The following TAF2 variants were observed in gnomAD, a reference collection of about 807,000 sequenced individuals.
TAF2 encodes TATA-box binding protein associated factor 2.
Under a neutral mutation model 138.5 loss-of-function variants are expected in TAF2, and 61 were observed. That is an observed-to-expected ratio of 0.44 (90% CI 0.36 to 0.54). TAF2 has a LOEUF of 0.54. Among genes scored for constraint, TAF2 ranks in the 20% least tolerant of loss-of-function variants. TAF2 has a pLI of 0.00. For missense variants in TAF2, 1,090 were observed against 1,427.9 expected (o/e 0.76, Z 3.81); for synonymous variants, 475 against 469.9 (o/e 1.01, Z -0.14).
At chr8:119,776,877 C>T (rs942945698) in intron 18 of TAF2, among the ~76,000 whole-genome samples, 2 of 147,358 alleles carry the variant, frequency 1.4e-5, no homozygotes, top group Non-Finnish European at 3.0e-5. Context: ...CTCCCTACAT[C>T]CTTCAAAGTA....
rs137907793 is a variant in TAF2, at chr8:119,752,498, T to TC, written c.2878+3507dup. On this transcript the variant is annotated intron_variant, in intron 22 of 25. Coordinates refer to ENST00000378164, the MANE Select transcript of TAF2 (RefSeq NM_003184.4). Reference sequence around the variant, plus strand: ...AAAGTGATTCAGCTACCAAGAGCCCTCAGTTTCTGTACCTGTCTCTCAGCT... The same window carrying TC: ...AAAGTGATTCAGCTACCAAGAGCCCTCCAGTTTCTGTACCTGTCTCTCAGCT... 6.4e-3 allele frequency among the ~76,000 whole-genome samples: 981 copies of TC among 152,236 alleles called. 14 individuals are homozygous for TC. Among genetic ancestry groups the TC allele is most frequent in the African/African-American group, 0.023 (937 of 41,550 alleles).
intron 23 of TAF2, among the ~76,000 whole-genome samples, chr8:119,745,795 ATGTGTGTGTG>A (rs58444614): frequency 0.017 from 2,476 of 143,526 alleles, 64 homozygotes; most frequent in African/African-American, 0.054. Flanking sequence ...AGGCAAACGA[ATGTGTGTGTG>A]TGTGTGTGTG....
chr8:119,753,882 G>A (rs191479743), intron 22 of TAF2, among the ~76,000 whole-genome samples: 53 of 152,284 alleles, frequency 3.5e-4, no homozygotes, highest in Middle Eastern at 3.4e-3. Context: ...CAGAGTGAGT[G>A]CCACATATGA....
chr8:119,739,010 G>GTT (rs796747710), intron 25 of TAF2, among the ~76,000 whole-genome samples: 7 of 105,456 alleles, frequency 6.6e-5, no homozygotes, highest in South Asian at 2.8e-4. Flanking sequence ...CTTTAAAGAA[G>GTT]TTTTTTTTTT....
intron 22 of TAF2, among the ~76,000 whole-genome samples, chr8:119,749,554 GAGAC>G (rs1563826247): frequency 6.6e-6 from 1 of 152,164 alleles, no homozygotes; most frequent in Non-Finnish European, 1.5e-5. Context: ...CTTAAGTTGA[GAGAC>G]AGAATGGGAA....
chr8:119,765,314 G>C (rs1364409732), intron 18 of TAF2, among the ~76,000 whole-genome samples: 1 of 151,978 alleles, frequency 6.6e-6, no homozygotes, highest in Non-Finnish European at 1.5e-5. Context: ...AGAGTAAGAA[G>C]ACAGGAAAAG....
At chr8:119,810,596 T>C (rs1481199052) in intron 3 of TAF2, among the ~76,000 whole-genome samples, 8 of 152,210 alleles carry the variant, frequency 5.3e-5, no homozygotes, top group East Asian at 1.9e-4. Context: ...CCATTCTGCA[T>C]TGCCATCAGC....
Position 119,797,841 on chromosome 8 carries a change from A to G in TAF2, c.798T>C (p.Thr266=), listed in dbSNP as rs751764699. 8.7e-6 allele frequency: 14 copies of G among 1,613,428 alleles called. No homozygotes were observed. The highest frequency in any genetic ancestry group is 1.2e-5 in the Non-Finnish European group (14 of 1,179,600). The part of the protein sequence containing the change: ...ILVDPYMHEV[T]HFCLPQLLPL... ...GAAGAAGTTGGGGCAAACAAAAATG[A>G]GTAACCTGAAAAGAAGAAGCAAGGA... Residue 266 remains threonine, a synonymous_variant, in exon 7 of 26, where the codon ACT becomes ACC. Coordinates refer to ENST00000378164, the MANE Select transcript of TAF2 (RefSeq NM_003184.4).
intron 3 of TAF2, among the ~76,000 whole-genome samples, chr8:119,810,031 G>C (rs1196718737): frequency 1.3e-5 from 2 of 148,290 alleles, no homozygotes; most frequent in African/African-American, 5.0e-5. Flanking sequence ...TATCTGCGAG[G>C]CACAACAGAG....
At chr8:119,785,107 G>A in intron 15 of TAF2, 94 bp downstream of exon 15, 1 of 941,944 alleles carries the variant, frequency 1.1e-6, no homozygotes, top group South Asian at 1.5e-5. Flanking sequence ...CACTCATTTG[G>A]AGGACAGTTA....
chr8:119,811,589 G>A (rs934842048), intron 3 of TAF2, among the ~76,000 whole-genome samples: 1 of 151,710 alleles, frequency 6.6e-6, no homozygotes, highest in Admixed American at 6.6e-5. Context: ...GGCAGATCAC[G>A]AGGTCAGGAG....
chr8:119,823,009 C>T (rs946335354), intron 2 of TAF2, among the ~76,000 whole-genome samples: 10 of 152,098 alleles, frequency 6.6e-5, no homozygotes, highest in African/African-American at 2.4e-4. Flanking sequence ...ATGATATATC[C>T]AATGGTCCTT....
intron 4 of TAF2, among the ~76,000 whole-genome samples, chr8:119,805,460 C>A (rs1278459206): frequency 1.3e-5 from 2 of 152,162 alleles, no homozygotes; most frequent in Non-Finnish European, 2.9e-5. Context: ...AATCCCAGCA[C>A]TTTGGGAGGC....
At position 119,776,063 on chromosome 8, in the gene TAF2, T is replaced by C. The variant is rs149787116; in HGVS notation, c.2364+1956A>G. On this transcript the variant is annotated intron_variant, in intron 18 of 25. Transcript: ENST00000378164. ...TATGCATAGACGAGCTTACTACTCA[T>C]TAAAAAATGTTGGACTATCATAACA... Among the ~76,000 whole-genome samples, 14 of 152,294 alleles carry C rather than the reference T, an allele frequency of 9.2e-5. No homozygotes were observed. In the East Asian group the frequency reaches 2.7e-3, roughly 29 times the overall value.
chr8:119,806,187 G>A, intron 4 of TAF2, 96 bp downstream of exon 4: 2 of 1,044,322 alleles, frequency 1.9e-6, no homozygotes, highest in Non-Finnish European at 1.5e-6. Context: ...CAGGCATGAG[G>A]CACAGTGCCT....
chr8:119,806,398 T>G lies in TAF2; in HGVS notation c.303A>C (p.Arg101Ser), dbSNP rs1381058546. Residue 101 changes from arginine (R) to serine (S), a missense_variant, in exon 4 of 26, where the codon AGA (arginine) becomes AGC (serine). Transcript: ENST00000378164. ...LEVCHSESKQ[R>S]NLNYFSNAYA... Reference sequence around the variant, plus strand: ...AAGCATTGGAAAAATAATTGAGGTTTCTCCTGGGGAAAAAAAAGAGCCAAC... The same window carrying G: ...AAGCATTGGAAAAATAATTGAGGTTGCTCCTGGGGAAAAAAAAGAGCCAAC... The G allele has an allele frequency of 1.9e-6, 3 of 1,612,480 alleles. No individual in the cohort carries two copies. Among genetic ancestry groups the G allele is most frequent in the Non-Finnish European group, 2.5e-6 (3 of 1,178,874 alleles).
intron 18 of TAF2, chr8:119,767,044 T>C (rs1821478786): frequency 6.6e-6 from 1 of 152,156 alleles, no homozygotes; most frequent in Non-Finnish European, 1.5e-5. Flanking sequence ...ACAAATTTAA[T>C]TCATATGACA....
At chr8:119,805,165 A>C (rs1824533375) in intron 4 of TAF2, among the ~76,000 whole-genome samples, 1 of 152,208 alleles carries the variant, frequency 6.6e-6, no homozygotes, top group Non-Finnish European at 1.5e-5. Context: ...AAAACTTTAT[A>C]CAAGACACAA....
chr8:119,815,514 T>C (rs930609855), intron 3 of TAF2, among the ~76,000 whole-genome samples: 3 of 151,736 alleles, frequency 2.0e-5, no homozygotes, highest in Non-Finnish European at 4.4e-5. Context: ...GACCTCGTGA[T>C]CCACCCACCT....
Sources: allele counts gnomAD v4.1 joint callset (sites outside exome capture counted in the v4.1 genomes callset), GRCh38; gene constraint gnomAD v4.1.1; transcripts MANE v1.5; gene names NCBI Gene and HGNC (gene_info 2026-07-23, HGNC 2026-07-21).